Variants in BRF1 observed in about 807,000 individuals in gnomAD.
The protein encoded by BRF1 is transcription factor IIIB 90 kDa subunit.
Under a neutral mutation model 81.7 loss-of-function variants are expected in BRF1, and 59 were observed. The ratio of observed to expected loss-of-function variants is 0.72; its 90% CI spans 0.59 to 0.90. The LOEUF is 0.90. Ranked by LOEUF, BRF1 falls within the 40% of genes least tolerant of loss-of-function variation. BRF1 has a pLI of 0.00. For synonymous variants in BRF1, 491 were observed against 395.6 expected, an observed-to-expected ratio of 1.24 and a Z score of -2.86; for missense variants, 1,050 against 936.3, an observed-to-expected ratio of 1.12 and a Z score of -1.58.
rs1285097525 is a variant in BRF1, at chr14:105,241,657, G to A, written c.545-243C>T. On this transcript the variant is annotated intron_variant, in intron 5 of 17. Transcript: ENST00000547530. ...CCTGCTGCAGACACGCTAGGGCCAG[G>A]CAGCGTGCTCCTACTGCATGGCCGC... 8 of 572,630 alleles carry A rather than the reference G, an allele frequency of 1.4e-5. No individual in the cohort carries two copies. In the East Asian group the frequency reaches 2.4e-4, roughly 17 times the overall value. The allele number at this position is 572,630 out of a possible 1,614,324, so 35.5% of individuals were successfully genotyped here.
In BRF1 at chr14:105,269,342, G is replaced by C. The variant is rs945603008; in HGVS notation, c.439+3379C>G. 6.6e-6 allele frequency among the ~76,000 whole-genome samples: 1 copy of C among 152,204 alleles called. No homozygotes were observed. The highest frequency in any genetic ancestry group is 2.4e-5 in the African/African-American group (1 of 41,460). On this transcript the variant is annotated intron_variant, in intron 3 of 17. Coordinates refer to ENST00000547530, the MANE Select transcript of BRF1 (RefSeq NM_001519.4). This position sits in a 1 kb window ranked among gnomAD's most constrained non-coding sequence, Gnocchi z 5.0. ...AGGCCACCAGCAGCCAGAGGGGATA[G>C]AGTGCGGCCTCCCGTGAGCACAGTC...
intron 5 of BRF1, chr14:105,249,749 C>G: frequency 1.2e-6 from 2 of 1,613,924 alleles, no homozygotes; most frequent in African/African-American, 1.3e-5. Flanking sequence ...TGTCAACTTT[C>G]TGGAGACAAG....
intron 5 of BRF1, chr14:105,249,801 G>A (rs1416117689): frequency 3.1e-6 from 5 of 1,613,820 alleles, no homozygotes; most frequent in African/African-American, 1.3e-5. Context: ...TCCCAGAGCC[G>A]GCTGTTTGAG....
At chr14:105,266,048 G>T (rs1215390823) in intron 3 of BRF1, among the ~76,000 whole-genome samples, 1 of 152,078 alleles carries the variant, frequency 6.6e-6, no homozygotes, top group African/African-American at 2.4e-5. Flanking sequence ...TCCAGCCTGG[G>T]TGAGGCAGTG....
chr14:105,285,205 CA>C (rs999458110), intron 2 of BRF1, among the ~76,000 whole-genome samples: 19 of 152,224 alleles, frequency 1.2e-4, no homozygotes, highest in African/African-American at 4.1e-4. Context: ...TTCAAACAGG[CA>C]GCATAACACT....
chr14:105,243,392 G>C (rs1008046761), intron 5 of BRF1, among the ~76,000 whole-genome samples: 1 of 150,972 alleles, frequency 6.6e-6, no homozygotes, highest in Non-Finnish European at 1.5e-5. Flanking sequence ...GGAGGTTATA[G>C]TGAGCCAAGA....
At chr14:105,302,543 CT>C (rs1446768508), upstream of BRF1, among the ~76,000 whole-genome samples, 1 of 151,608 alleles carries the variant, frequency 6.6e-6, no homozygotes, top group Non-Finnish European at 1.5e-5. Flanking sequence ...TTAGATCCTT[CT>C]TTCCACTTAA....
chr14:105,214,334 C>T (rs1363509431), intron 15 of BRF1, among the ~76,000 whole-genome samples: 2 of 152,230 alleles, frequency 1.3e-5, no homozygotes, highest in African/African-American at 2.4e-5. Flanking sequence ...AGGAAGACCC[C>T]GAGGGTCAAA....
At chr14:105,308,204 G>A (rs894936564) in intron 1 of BRF1, among the ~76,000 whole-genome samples, 4 of 148,540 alleles carry the variant, frequency 2.7e-5, no homozygotes, top group East Asian at 2.0e-4. Context: ...CAATTAGGCC[G>A]GGCACAGTGG....
At chr14:105,241,170 A>T in intron 6 of BRF1, 95 bp downstream of exon 6, 1 of 1,544,516 alleles carries the variant, frequency 6.5e-7, no homozygotes, top group Non-Finnish European at 8.7e-7. Flanking sequence ...AGTGCTCTGC[A>T]AACATACGGC....
chr14:105,219,403 G>C, intron 12 of BRF1, 171 bp from the exon 13 acceptor site: 1 of 1,398,516 alleles, frequency 7.2e-7, no homozygotes, highest in Non-Finnish European at 9.5e-7. Context: ...GGCGAGTTGG[G>C]GACCTGTTGC....
rs2057225770 is a variant in BRF1, at chr14:105,284,135, CG to C, written c.265+2160del. Among the ~76,000 whole-genome samples, 1 of 152,134 alleles carries C rather than the reference CG, an allele frequency of 6.6e-6. No homozygotes were observed. The highest frequency in any genetic ancestry group is 1.5e-5 in the Non-Finnish European group (1 of 68,026). ...CGCTGCACCCGCTTCCTGCAGGAAACGCATTCAAGCGCCCAACACACATGCA... is the reference window on the plus strand; with the variant it reads ...CGCTGCACCCGCTTCCTGCAGGAAACCATTCAAGCGCCCAACACACATGCA... On this transcript the variant is annotated intron_variant, in intron 2 of 17. Transcript: ENST00000547530. This position sits in a 1 kb window ranked among gnomAD's most constrained non-coding sequence, Gnocchi z 4.0.
intron 10 of BRF1, 118 bp downstream of exon 10, chr14:105,225,951 C>T (rs780635068): frequency 2.0e-4 from 225 of 1,103,828 alleles, no homozygotes; most frequent in Non-Finnish European, 2.6e-4. Flanking sequence ...CGGTGGTAAA[C>T]TTACATTCTG....
chr14:105,275,280 C>T (rs1419085520), intron 2 of BRF1, among the ~76,000 whole-genome samples: 7 of 152,204 alleles, frequency 4.6e-5, no homozygotes, highest in African/African-American at 9.6e-5. Flanking sequence ...GCCCCCAGCC[C>T]GGCTGTGGCC....
chr14:105,222,871 G>A (rs967193094), intron 10 of BRF1, among the ~76,000 whole-genome samples: 12 of 152,094 alleles, frequency 7.9e-5, no homozygotes, highest in Admixed American at 3.3e-4. Context: ...CTTGTGATCT[G>A]CCCACCTCAG....
At chr14:105,242,144 C>T (rs2054718200) in intron 5 of BRF1, 1 of 152,500 alleles carries the variant, frequency 6.6e-6, no homozygotes, top group Non-Finnish European at 1.5e-5. Flanking sequence ...GCCCCCCTTT[C>T]CAGCTGAGGG....
chr14:105,211,339 T>C (rs753019375), intron 16 of BRF1, 46 bp from the exon 17 acceptor site: 74 of 1,512,082 alleles, frequency 4.9e-5, no homozygotes, highest in South Asian at 2.7e-4. Flanking sequence ...GGGAGCCCTG[T>C]GTATCTCAAC....
intron 5 of BRF1, chr14:105,247,326 A>G (rs1466150921): frequency 1.0e-6 from 1 of 985,214 alleles, no homozygotes; most frequent in Non-Finnish European, 1.2e-6. Flanking sequence ...CATTCCACCA[A>G]CACTACGTGA....
At position 105,286,162 on chromosome 14, in the gene BRF1, G is replaced by C; in HGVS notation, c.265+134C>G. 3 of 1,011,248 alleles carry C rather than the reference G, an allele frequency of 3.0e-6. No individual in the cohort carries two copies. In the South Asian group the frequency reaches 4.3e-5, roughly 15 times the overall value. The allele number at this position is 1,011,248 out of a possible 1,614,324, so 62.6% of individuals were successfully genotyped here. On this transcript the variant is annotated intron_variant, in intron 2 of 17. Coordinates refer to ENST00000547530, the MANE Select transcript of BRF1 (RefSeq NM_001519.4). Reference sequence around the variant, plus strand: ...ACAATTCCTCCTGGAAAGCAGCCTGGGCTGGGCGTGCAGGGTGACGAGGAA... The same window carrying C: ...ACAATTCCTCCTGGAAAGCAGCCTGCGCTGGGCGTGCAGGGTGACGAGGAA...
Sources: gnomAD v4.1 joint callset for allele counts (sites outside exome capture counted in the v4.1 genomes callset) on GRCh38, gnomAD v4.1.1 for gene constraint, Gnocchi (gnomAD v3.1) non-coding constraint, MANE v1.5 for transcripts, NCBI Gene and HGNC (gene_info 2026-07-23, HGNC 2026-07-21) for gene names.